Variants in GLRX5 observed in about 807,000 individuals in gnomAD.
GLRX5 encodes the protein glutaredoxin 5.
GLRX5 carries 10 observed loss-of-function variants against 13.8 expected under a neutral mutation model. The ratio of observed to expected loss-of-function variants is 0.72; its 90% CI spans 0.45 to 1.23. The LOEUF is 1.23. GLRX5 is among the 50% of genes most tolerant of loss of function. GLRX5 has a pLI of 0.00. For missense variants in GLRX5, 233 were observed against 215.2 expected (o/e 1.08, Z -0.52); for synonymous variants, 98 against 101.1 (o/e 0.97, Z 0.18).
intron 1 of GLRX5, among the ~76,000 whole-genome samples, chr14:95,540,181 G>T (rs541075773): frequency 2.0e-5 from 3 of 152,142 alleles, no homozygotes; most frequent in Non-Finnish European, 4.4e-5. Context: ...GTGAGCCACC[G>T]CACCTGGCCT....
At chr14:95,541,275 C>T (rs1171062228) in intron 1 of GLRX5, among the ~76,000 whole-genome samples, 4 of 151,306 alleles carry the variant, frequency 2.6e-5, no homozygotes, top group African/African-American at 4.9e-5. Flanking sequence ...CTTGTGGATC[C>T]GCAGGATTCA....
In GLRX5 at chr14:95,540,882, A is replaced by G. The variant is rs573245016; in HGVS notation, c.296-3065A>G. Among the ~76,000 whole-genome samples, 15 of 152,352 alleles carry G rather than the reference A, an allele frequency of 9.8e-5. 1 individual carries two copies. In the East Asian group the frequency reaches 2.9e-3, roughly 29 times the overall value. On this transcript the variant is annotated intron_variant, in intron 1 of 1. Transcript: ENST00000331334. ...GAAAAATACCTTTTGAAAGTTCTGG[A>G]AGGGAATTTTAAAGTATCATTTCTG...
rs1351173120 is a variant in GLRX5 at position 95,544,233 on chromosome 14, G to T, written c.*108G>T. 2 of 834,268 alleles carry T rather than the reference G, an allele frequency of 2.4e-6. No individual in the cohort carries two copies. The highest frequency in any genetic ancestry group is 4.0e-6 in the Non-Finnish European group (2 of 498,476). 51.7% of individuals were successfully genotyped at this position (834,268 alleles called of 1,614,324 possible). A position where few individuals can be genotyped will look rare whatever the true frequency, so the allele number is the denominator to read the frequency against. On this transcript the variant is annotated 3_prime_UTR_variant, in exon 2 of 2. Coordinates refer to ENST00000331334, the MANE Select transcript of GLRX5 (RefSeq NM_016417.3). ...TTCACTATTGAGACCGCAACTGCTT[G>T]CACTGATCATTTTGGTTCGTGAGCA...
At chr14:95,539,106 G>GAGGAATCT (rs1891430675) in intron 1 of GLRX5, among the ~76,000 whole-genome samples, 1 of 152,246 alleles carries the variant, frequency 6.6e-6, no homozygotes. Flanking sequence ...CTGCACATGT[G>GAGGAATCT]AGGAATCTAG....
At chr14:95,543,159 C>T (rs1891499432) in intron 1 of GLRX5, 1 of 455,822 alleles carries the variant, frequency 2.2e-6, no homozygotes, top group African/African-American at 2.0e-5. Context: ...ACCCCTCAGC[C>T]CTGGACAGGG....
intron 1 of GLRX5, among the ~76,000 whole-genome samples, chr14:95,538,017 A>C (rs572198239): frequency 6.2e-4 from 94 of 152,358 alleles, no homozygotes; most frequent in African/African-American, 2.1e-3. Context: ...AATGTAGAAA[A>C]CACTGAAAAG....
chr14:95,543,290 C>G (rs1891502379), intron 1 of GLRX5: 1 of 409,492 alleles, frequency 2.4e-6, no homozygotes, highest in Non-Finnish European at 5.0e-6. Context: ...ACTGACAACC[C>G]ATAGCTGTGG....
chr14:95,538,954 G>A (rs1201604221), intron 1 of GLRX5, among the ~76,000 whole-genome samples: 2 of 152,194 alleles, frequency 1.3e-5, no homozygotes, highest in East Asian at 1.9e-4. Flanking sequence ...TTAGGACATG[G>A]GTCCCCAACC....
intron 1 of GLRX5, among the ~76,000 whole-genome samples, chr14:95,539,090 T>A (rs1490541247): frequency 6.6e-6 from 1 of 152,252 alleles, no homozygotes. Flanking sequence ...CAAACTCTAT[T>A]GTGAACTGCA....
Position 95,543,924 on chromosome 14 carries a change from A to G in GLRX5, c.296-23A>G, listed in dbSNP as rs768243977. The G allele has an allele frequency of 3.1e-6, 5 of 1,600,770 alleles. 1 individual carries two copies. Among genetic ancestry groups the G allele is most frequent in the Non-Finnish European group, 3.4e-6 (4 of 1,167,928 alleles). On this transcript the variant is annotated intron_variant, in intron 1 of 1. Transcript: ENST00000331334. ...GTTCAGCTTTTACCATTTAAATAAC[A>G]AATAAATGTTCTTTCTCCATAGGCA...
At chr14:95,541,321 TA>T (rs1891469540) in intron 1 of GLRX5, among the ~76,000 whole-genome samples, 1 of 152,248 alleles carries the variant, frequency 6.6e-6, no homozygotes, top group Non-Finnish European at 1.5e-5. Context: ...AGTCTTTTAT[TA>T]TTATTAGGAG....
chr14:95,536,631 A>G (rs1306393772), intron 1 of GLRX5, among the ~76,000 whole-genome samples: 1 of 152,228 alleles, frequency 6.6e-6, no homozygotes, highest in East Asian at 1.9e-4. Flanking sequence ...ACAATTTGGC[A>G]AAGTTTGTGT....
chr14:95,535,538 G>T (rs1891357102), intron 1 of GLRX5, among the ~76,000 whole-genome samples, 154 bp downstream of exon 1: 1 of 152,238 alleles, frequency 6.6e-6, no homozygotes, highest in Non-Finnish European at 1.5e-5. Context: ...GAGGAGTACT[G>T]CCCTGGAGTA....
chr14:95,539,895 A>AT (rs1242228983), intron 1 of GLRX5, among the ~76,000 whole-genome samples: 85 of 40,116 alleles, frequency 2.1e-3, no homozygotes, highest in South Asian at 0.015. Context: ...ATATATATAT[A>AT]TATTTTTTTT....
chr14:95,543,128 C>T (rs2139651409), intron 1 of GLRX5: 1 of 455,958 alleles, frequency 2.2e-6, no homozygotes, highest in African/African-American at 2.0e-5. Flanking sequence ...CGCTTAAGAG[C>T]AGAGCGGGTC....
intron 1 of GLRX5, among the ~76,000 whole-genome samples, chr14:95,536,080 A>G (rs1374833283): frequency 6.6e-6 from 1 of 151,982 alleles, no homozygotes; most frequent in East Asian, 1.9e-4. Context: ...GGGCTTGGAG[A>G]GGTTTGTGGG....
Position 95,544,076 on chromosome 14 carries a change from G to A in GLRX5, c.425G>A (p.Gly142Glu). ...GDLVEELKKLGIHSALLDEKK... is the reference protein window; with the variant it reads ...GDLVEELKKLEIHSALLDEKK... ...TTGGTGGAAGAACTGAAAAAGCTGG[G>A]GATCCACTCCGCCCTTTTAGATGAA... Residue 142 changes from glycine (G) to glutamate (E), a missense_variant, in exon 2 of 2, where the codon GGG becomes GAG. Coordinates refer to ENST00000331334, the MANE Select transcript of GLRX5 (RefSeq NM_016417.3). 6.2e-7 allele frequency: 1 copy of A among 1,614,130 alleles called. No homozygotes were observed. Among genetic ancestry groups the A allele is most frequent in the South Asian group, 1.1e-5 (1 of 91,076 alleles).
chr14:95,535,933 C>T (rs1416930904), intron 1 of GLRX5, among the ~76,000 whole-genome samples: 1 of 152,172 alleles, frequency 6.6e-6, no homozygotes, highest in African/African-American at 2.4e-5. Context: ...GGGTGTCAAG[C>T]ATCATCCTCT....
chr14:95,540,409 G>A (rs1319707241), intron 1 of GLRX5, among the ~76,000 whole-genome samples: 1 of 152,050 alleles, frequency 6.6e-6, no homozygotes, highest in Non-Finnish European at 1.5e-5. Flanking sequence ...AATATGTGAG[G>A]CGTAGAGTAT....
Sources: allele counts gnomAD v4.1 joint callset (sites outside exome capture counted in the v4.1 genomes callset), GRCh38; gene constraint gnomAD v4.1.1; transcripts MANE v1.5; gene names NCBI Gene and HGNC (gene_info 2026-07-23, HGNC 2026-07-21).